ABCA3: variants seen among roughly 807,000 people sequenced by gnomAD.
ABCA3 encodes ATP binding cassette subfamily A member 3.
A neutral mutation model predicts 172.8 loss-of-function variants in ABCA3; 88 were observed. The observed-to-expected ratio is 0.51, with a 90% confidence interval of 0.43 to 0.61. The LOEUF (loss-of-function observed/expected upper bound fraction) is 0.61. Among genes scored for constraint, ABCA3 ranks in the 20% least tolerant of loss-of-function variants. ABCA3 has a pLI of 0.00. For synonymous variants in ABCA3, 1,066 were observed against 983.8 expected, an observed-to-expected ratio of 1.08 and a Z score of -1.56; for missense variants, 2,164 against 2,301.0, an observed-to-expected ratio of 0.94 and a Z score of 1.22.
rs983440564 is a variant in ABCA3 at position 2,279,106 on chromosome 16, G to A, written c.4384C>T (p.Pro1462Ser). The A allele has an allele frequency of 6.2e-7, 1 of 1,611,920 alleles. No individual in the cohort carries two copies. Residue 1462 changes from proline (P) to serine (S), a missense_variant, in exon 29 of 33, where the codon CCG becomes TCG. Coordinates refer to ENST00000301732, the MANE Select transcript of ABCA3 (RefSeq NM_001089.3). This position sits in a 1 kb window ranked among gnomAD's most constrained non-coding sequence, Gnocchi z 4.4. ...GKVRQRIGYCPQFDALLDHMT... is the reference protein window; with the variant it reads ...GKVRQRIGYCSQFDALLDHMT... ...TGGTCCAGCAAGGCATCAAACTGCG[G>A]GCAGTAGCCGATCCGCTGCCGCACC... is the stretch of plus-strand genomic sequence containing the variant.
rs532762228 is a variant in ABCA3, at chr16:2,309,807, G to C, written c.1112-1184C>G. 2.0e-5 allele frequency among the ~76,000 whole-genome samples: 3 copies of C among 152,204 alleles called. No individual in the cohort carries two copies. The South Asian group carries it at 6.2e-4, about 32-fold the overall frequency. On this transcript the variant is annotated intron_variant, in intron 10 of 32. Coordinates refer to ENST00000301732, the MANE Select transcript of ABCA3 (RefSeq NM_001089.3). The stretch of plus-strand genomic sequence containing the variant: ...GCTAATTTTTAAATGTTTTTGTAGA[G>C]ATGGGTTTCCCTATTTTGTCAGGGC...
chr16:2,326,246 T>G lies in ABCA3; in HGVS notation c.83A>C (p.Glu28Ala), dbSNP rs1226605978. The G allele has an allele frequency of 1.9e-6, 3 of 1,613,498 alleles. No individual in the cohort carries two copies. In the African/African-American group the frequency reaches 4.0e-5, roughly 22 times the overall value. The stretch of plus-strand genomic sequence containing the variant: ...AGAAAACAGCAATGGCAGGAAGAGT[T>G]CCAGGACCGTCACCAGGACCTTCCG... The part of the protein sequence containing the change: ...QKRKVLVTVL[E>A]LFLPLLFSGI... The change falls in exon 5 of 33, where the codon GAA (glutamate) becomes GCA (alanine). Residue 28 changes from glutamate (E) to alanine (A), a missense_variant. Glu to Ala is a moderately radical substitution (Grantham distance 107). Around this residue, in one of 3 missense-constraint regions of ABCA3, gnomAD observed 1,343 missense variants for 1,369.6 expected, o/e 0.98. Coordinates refer to ENST00000301732, the MANE Select transcript of ABCA3 (RefSeq NM_001089.3).
At chr16:2,289,405 G>GCCCCCCCCCCCC in intron 20 of ABCA3, 29 bp downstream of exon 20, 4 of 994,948 alleles carry the variant, frequency 4.0e-6, no homozygotes, top group Non-Finnish European at 5.9e-6. Context: ...CCCTTCCCCC[G>GCCCCCCCCCCCC]CCACCCGCCC....
intron 12 of ABCA3, among the ~76,000 whole-genome samples, chr16:2,303,763 C>T (rs1014786293): frequency 6.6e-6 from 1 of 152,128 alleles, no homozygotes; most frequent in South Asian, 2.1e-4. Flanking sequence ...AAGGATTACT[C>T]TTGGGCATGG....
intron 5 of ABCA3, among the ~76,000 whole-genome samples, chr16:2,324,798 A>C (rs941339012): frequency 6.6e-6 from 1 of 152,166 alleles, no homozygotes; most frequent in Non-Finnish European, 1.5e-5. Flanking sequence ...TAGCGCCTGC[A>C]GCAAGGCCCA....
chr16:2,284,740 G>T lies in ABCA3; in HGVS notation c.3703+39C>A. 1 of 1,593,686 alleles carries T rather than the reference G, an allele frequency of 6.3e-7. No homozygotes were observed. Among genetic ancestry groups the T allele is most frequent in the Non-Finnish European group, 8.6e-7 (1 of 1,169,274 alleles). ...CCTGTCTGGGCGGAGTGGCTCCGTG[G>T]ATGGCCATGGGGGCTGCGGGTGGTC... On this transcript the variant is annotated intron_variant, in intron 24 of 32. Transcript: ENST00000301732. The surrounding 1 kb of genome is among the most constrained non-coding windows in gnomAD (Gnocchi z 5.9).
chr16:2,317,904 C>T (rs1027672818), intron 8 of ABCA3, 140 bp from the exon 9 acceptor site: 8 of 722,296 alleles, frequency 1.1e-5, no homozygotes, highest in Non-Finnish European at 1.9e-5. Context: ...GTCGGCCAGG[C>T]TCATCTTGCT....
At chr16:2,299,354 T>C (rs779171461) in intron 14 of ABCA3, 49 bp downstream of exon 14, 1 of 1,609,290 alleles carries the variant, frequency 6.2e-7, no homozygotes, top group Admixed American at 1.7e-5. Flanking sequence ...TGAGATGGTG[T>C]TAAAGGGGGG....
chr16:2,325,368 C>G (rs1418196174), intron 5 of ABCA3, among the ~76,000 whole-genome samples: 1 of 152,150 alleles, frequency 6.6e-6, no homozygotes, highest in Non-Finnish European at 1.5e-5. Flanking sequence ...CCTGCTGCTC[C>G]CCGGGGTCCT....
chr16:2,332,501 G>A lies in ABCA3; in HGVS notation c.-538-2647C>T, dbSNP rs540993104. ...ACCAGGGCTTTGGAGATGGACTGAC[G>A]GGTAGCATAAATCTGGGCCACATGA... On this transcript the variant is annotated intron_variant, in intron 1 of 32. Transcript: ENST00000301732. 130 of 929,942 alleles carry A rather than the reference G, an allele frequency of 1.4e-4. No homozygotes were observed. In the East Asian group the frequency reaches 2.3e-3, roughly 16 times the overall value. The allele number at this position is 929,942 out of a possible 1,614,324, so 57.6% of individuals were successfully genotyped here.
chr16:2,322,005 C>A (rs2093726789), intron 7 of ABCA3, among the ~76,000 whole-genome samples: 1 of 152,044 alleles, frequency 6.6e-6, no homozygotes, highest in Non-Finnish European at 1.5e-5. Context: ...CGAGACCATC[C>A]TGGCCAACGT....
chr16:2,295,929 C>T (rs187039658), intron 17 of ABCA3, among the ~76,000 whole-genome samples, 189 bp from the exon 18 acceptor site: 7 of 152,308 alleles, frequency 4.6e-5, no homozygotes, highest in African/African-American at 1.4e-4. Flanking sequence ...TCACCTCCCG[C>T]TCCTGCTGGG....
chr16:2,338,144 C>A (rs1176129988), intron 1 of ABCA3, among the ~76,000 whole-genome samples: 1 of 152,156 alleles, frequency 6.6e-6, no homozygotes, highest in Non-Finnish European at 1.5e-5. Flanking sequence ...TGTTCTCCAA[C>A]AAGCAAGTTA....
rs768425844 is a variant in ABCA3, at chr16:2,288,180, G to A, written c.2850C>T (p.Leu950=). The change falls in exon 21 of 33, where the codon CTC becomes CTT. Residue 950 remains leucine (L), a synonymous_variant. Coordinates refer to ENST00000301732, the MANE Select transcript of ABCA3 (RefSeq NM_001089.3). The part of the protein sequence containing the change: ...ALLAINYSSE[L]FDDPMLRLTL... ...TCAGCCTCAGCATGGGGTCGTCGAA[G>A]AGCTCCGAGGAGTAGTTGATGGCCA... 5.6e-6 allele frequency: 9 copies of A among 1,605,524 alleles called. No homozygotes were observed. Among genetic ancestry groups the A allele is most frequent in the Non-Finnish European group, 7.7e-6 (9 of 1,175,984 alleles).
At chr16:2,336,575 TGCCCGCCACCAC>T (rs2093752069) in intron 1 of ABCA3, among the ~76,000 whole-genome samples, 1 of 149,576 alleles carries the variant, frequency 6.7e-6, no homozygotes, top group Non-Finnish European at 1.5e-5. Flanking sequence ...GAATTACAGG[TGCCCGCCACCAC>T]GCCCAGCTAA....
chr16:2,295,649 C>T lies in ABCA3; in HGVS notation c.2355G>A (p.Thr785=), dbSNP rs780279594. The change falls in exon 18 of 33, where the codon ACG becomes ACA. Residue 785 remains threonine (T), a synonymous_variant. Transcript: ENST00000301732. ...GCTCGGCCCCAGCGCTGCTCTCCAG[C>T]GTGGCGTTGGGCACGTGGTGGTGGA... ...QLVHHHVPNA[T]LESSAGAELS... is the part of the protein sequence containing the mutation. 3.1e-6 allele frequency: 5 copies of T among 1,613,926 alleles called. No individual in the cohort carries two copies. Among genetic ancestry groups the T allele is most frequent in the African/African-American group, 1.3e-5 (1 of 74,950 alleles).
rs1199333254 is a variant in ABCA3 at position 2,278,208 on chromosome 16, G to A, written c.4718+80C>T. ...ACGGGCAGACTCTGCACCAGATGCTGATGGGTCTCCTGGCCACCTGGCTCC... is the reference window on the plus strand; with the variant it reads ...ACGGGCAGACTCTGCACCAGATGCTAATGGGTCTCCTGGCCACCTGGCTCC... On this transcript the variant is annotated intron_variant, in intron 30 of 32. Coordinates refer to ENST00000301732, the MANE Select transcript of ABCA3 (RefSeq NM_001089.3). This position sits in a 1 kb window ranked among gnomAD's most constrained non-coding sequence, Gnocchi z 4.4. 1.9e-6 allele frequency: 3 copies of A among 1,599,004 alleles called. No individual in the cohort carries two copies. The highest frequency in any genetic ancestry group is 2.5e-6 in the Non-Finnish European group (3 of 1,177,336).
At chr16:2,316,992 C>T (rs565343254) in intron 10 of ABCA3, among the ~76,000 whole-genome samples, 11 of 152,350 alleles carry the variant, frequency 7.2e-5, no homozygotes, top group South Asian at 2.1e-4. Flanking sequence ...TAACTGTCAC[C>T]GCAAGGCTCT....
At chr16:2,323,469 T>C in intron 7 of ABCA3, 54 bp downstream of exon 7, 7 of 1,609,674 alleles carry the variant, frequency 4.3e-6, no homozygotes, top group Non-Finnish European at 5.9e-6. Context: ...CCCATATGAC[T>C]GTCACTAGTC....
Sources: gnomAD v4.1 joint callset for allele counts (sites outside exome capture counted in the v4.1 genomes callset) on GRCh38, gnomAD v4.1.1 for gene constraint, gnomAD v4.1.1 regional missense constraint, Gnocchi (gnomAD v3.1) non-coding constraint, MANE v1.5 for transcripts, NCBI Gene and HGNC (gene_info 2026-07-23, HGNC 2026-07-21) for gene names.